The following NME1 variants were observed in gnomAD, a reference collection of about 807,000 sequenced individuals.
NME1 encodes NME/NM23 nucleoside diphosphate kinase 1.
NME1 carries 9 observed loss-of-function variants against 17.2 expected under a neutral mutation model. The observed-to-expected ratio is 0.52, with a 90% confidence interval of 0.32 to 0.92. The LOEUF is 0.92. NME1 is among the 40% of genes least tolerant of loss of function. The probability of loss-of-function intolerance (pLI) is 0.04; values close to 1 mark genes in which losing one functional copy is unlikely to be tolerated. For synonymous variants in NME1, 72 were observed against 70.8 expected (o/e 1.02, Z -0.09); for missense variants, 169 against 201.7 (o/e 0.84, Z 0.98).
Position 51,153,677 on chromosome 17 carries a change from G to C in NME1, c.-5+15G>C, listed in dbSNP as rs1057407562. ...CAGCTGGAAGGGTAAGAGGTGTTCG[G>C]GATCCTGAGAGGAAAAAGAAAGGAG... On this transcript the variant is annotated intron_variant, in intron 1 of 4. Transcript: ENST00000393196. 5 of 152,954 alleles carry C rather than the reference G, an allele frequency of 3.3e-5. No homozygotes were observed. Among genetic ancestry groups the C allele is most frequent in the African/African-American group, 1.2e-4 (5 of 41,474 alleles). The allele number at this position is 152,954 out of a possible 1,614,324, so 9.5% of individuals were successfully genotyped here.
intron 2 of NME1, chr17:51,156,079 T>C: frequency 2.7e-6 from 1 of 368,040 alleles, no homozygotes; most frequent in Admixed American, 3.8e-5. Flanking sequence ...CTGAGCATGT[T>C]TGAGTTCTTG....
At chr17:51,159,208 C>G (rs1371965486) in intron 2 of NME1, among the ~76,000 whole-genome samples, 1 of 152,080 alleles carries the variant, frequency 6.6e-6, no homozygotes, top group Non-Finnish European at 1.5e-5. Context: ...AAGCCCAGCA[C>G]TTTGGGAGGC....
At chr17:51,155,219 G>A (rs1384178960) in intron 1 of NME1, among the ~76,000 whole-genome samples, 12 of 147,974 alleles carry the variant, frequency 8.1e-5, no homozygotes, top group Admixed American at 6.9e-4. Context: ...TCCATCCTGG[G>A]CGAAAGAGCA....
intron 2 of NME1, among the ~76,000 whole-genome samples, chr17:51,158,088 T>A (rs1325791210): frequency 6.6e-6 from 1 of 152,200 alleles, no homozygotes; most frequent in East Asian, 1.9e-4. Flanking sequence ...GAGACCAGCC[T>A]GGCCAACGTG....
chr17:51,158,342 A>C (rs2049817985), intron 2 of NME1, among the ~76,000 whole-genome samples: 2 of 152,092 alleles, frequency 1.3e-5, no homozygotes, highest in African/African-American at 4.8e-5. Context: ...TGAGAATCTG[A>C]GGCAAGAGGA....
intron 1 of NME1, chr17:51,154,150 T>C: frequency 1.9e-6 from 1 of 518,478 alleles, no homozygotes; most frequent in Admixed American, 3.2e-5. Flanking sequence ...TTGGGCTTTG[T>C]CTCTCTCTCT....
chr17:51,160,216 T>C (rs2049845422), intron 3 of NME1, 135 bp downstream of exon 3: 1 of 917,580 alleles, frequency 1.1e-6, no homozygotes, highest in Non-Finnish European at 1.8e-6. Context: ...TAATGGTTAG[T>C]GATAGGCTTC....
At position 51,155,487 on chromosome 17, in the gene NME1, T is replaced by G. The variant is rs567419606; in HGVS notation, c.-4-164T>G. Among the ~76,000 whole-genome samples the G allele has an allele frequency of 3.3e-5, 5 of 152,344 alleles. No individual in the cohort carries two copies. In the South Asian group the frequency reaches 1.0e-3, roughly 32 times the overall value. ...ATCCTTTCCCACATTGACATATTAG[T>G]TCATAGATCAGGGGACTGGGGAGGA... On this transcript the variant is annotated intron_variant, in intron 1 of 4. Coordinates refer to ENST00000393196, the MANE Select transcript of NME1 (RefSeq NM_000269.3).
intron 1 of NME1, among the ~76,000 whole-genome samples, chr17:51,155,077 T>TA (rs941403251): frequency 3.5e-4 from 45 of 126,850 alleles, no homozygotes; most frequent in African/African-American, 7.7e-4. Context: ...CCATCTCTAG[T>TA]AAAAAAAAAT....
At chr17:51,153,766 G>C in intron 1 of NME1, 104 bp downstream of exon 1, 1 of 156,898 alleles carries the variant, frequency 6.4e-6, no homozygotes, top group Non-Finnish European at 1.4e-5. Flanking sequence ...CTAAGAGGCG[G>C]CGAGGAGGAT....
At chr17:51,161,513 G>A (rs1329786547) in intron 4 of NME1, 6 of 662,960 alleles carry the variant, frequency 9.1e-6, no homozygotes, top group Non-Finnish European at 1.1e-5. Context: ...TTTCCTGAAG[G>A]CTCTCACTGT....
At position 51,155,737 on chromosome 17, in the gene NME1, T is replaced by C; in HGVS notation, c.83T>C (p.Phe28Ser). 1 of 1,614,162 alleles carries C rather than the reference T, an allele frequency of 6.2e-7. No homozygotes were observed. Among genetic ancestry groups the C allele is most frequent in the East Asian group, 2.2e-5 (1 of 44,888 alleles). ...CTTGTGGGAGAGATTATCAAGCGTTTTGAGCAGAAAGGATTCCGCCTTGTT... is the reference window on the plus strand; with the variant it reads ...CTTGTGGGAGAGATTATCAAGCGTTCTGAGCAGAAAGGATTCCGCCTTGTT... ...RGLVGEIIKR[F>S]EQKGFRLVGL... The change falls in exon 2 of 5, where the codon TTT becomes TCT. Residue 28 changes from phenylalanine (F) to serine (S), a missense_variant. Physicochemically the swap from Phe to Ser is radical, Grantham distance 155. Transcript: ENST00000393196.
chr17:51,156,192 C>T (rs1487285398), intron 2 of NME1: 1 of 307,284 alleles, frequency 3.3e-6, no homozygotes, highest in Non-Finnish European at 6.3e-6. Flanking sequence ...TTACTAGACA[C>T]TAATAAATGC....
chr17:51,155,686 T>C lies in NME1; in HGVS notation c.32T>C (p.Ile11Thr). The C allele has an allele frequency of 6.2e-7, 1 of 1,614,126 alleles. No individual in the cohort carries two copies. MANCERTFIAIKPDGVQRGLV... is the reference protein window; with the variant it reads MANCERTFIATKPDGVQRGLV... ...AACTGTGAGCGTACCTTCATTGCGATCAAACCAGATGGGGTCCAGCGGGGT... is the reference window on the plus strand; with the variant it reads ...AACTGTGAGCGTACCTTCATTGCGACCAAACCAGATGGGGTCCAGCGGGGT... Residue 11 changes from isoleucine (I) to threonine (T), a missense_variant, in exon 2 of 5, where the codon ATC (isoleucine) becomes ACC (threonine). Coordinates refer to ENST00000393196, the MANE Select transcript of NME1 (RefSeq NM_000269.3).
In NME1 at chr17:51,154,215, T is replaced by G. The variant is rs911502742; in HGVS notation, c.-5+553T>G. On this transcript the variant is annotated intron_variant, in intron 1 of 4. Transcript: ENST00000393196. ...GATAAATGATTTTCTTTGCTCCTAT[T>G]GACTGCTAGGCCCTGTGGCTAGGTA... 4.5e-6 allele frequency: 3 copies of G among 667,768 alleles called. No homozygotes were observed. The African/African-American group carries it at 5.4e-5, about 12-fold the overall frequency. 41.4% of individuals were successfully genotyped at this position (667,768 alleles called of 1,614,324 possible). A position where few individuals can be genotyped will look rare whatever the true frequency, so the allele number is the denominator to read the frequency against.
intron 2 of NME1, among the ~76,000 whole-genome samples, chr17:51,159,033 A>G (rs1282004402): frequency 6.6e-6 from 1 of 152,226 alleles, no homozygotes; most frequent in African/African-American, 2.4e-5. Context: ...ATCCCTGGGT[A>G]ATGGCCTGGT....
chr17:51,158,834 A>C (rs2049824731), intron 2 of NME1, among the ~76,000 whole-genome samples: 1 of 152,256 alleles, frequency 6.6e-6, no homozygotes. Context: ...ACTGCTAAGC[A>C]GATGGTTTGT....
chr17:51,159,368 A>C (rs1456583926), intron 2 of NME1, among the ~76,000 whole-genome samples: 3 of 152,238 alleles, frequency 2.0e-5, no homozygotes, highest in African/African-American at 7.2e-5. Context: ...TGGGAGGCCA[A>C]GGCAGGCAGA....
chr17:51,161,721 C>CA lies in NME1; in HGVS notation c.342-6dup. ...TTGGTCATGTGACTATCTCTTTCTC[C>CA]ACCCAGGAACATTATACATGGCAGT... On this transcript the variant is annotated splice_polypyrimidine_tract_variant and splice_region_variant and intron_variant, in intron 4 of 4. Transcript: ENST00000393196. 1 of 1,604,096 alleles carries CA rather than the reference C, an allele frequency of 6.2e-7. No individual in the cohort carries two copies. The highest frequency in any genetic ancestry group is 1.1e-5 in the South Asian group (1 of 90,864).
Sources: gnomAD v4.1 joint callset for allele counts (sites outside exome capture counted in the v4.1 genomes callset) on GRCh38, gnomAD v4.1.1 for gene constraint, MANE v1.5 for transcripts, NCBI Gene and HGNC (gene_info 2026-07-23, HGNC 2026-07-21) for gene names.